The following SPG11 variants were observed in gnomAD, a reference collection of about 807,000 sequenced individuals.
SPG11 encodes SPG11 vesicle trafficking associated, spatacsin, also known as spatacsin.
SPG11 carries 222 observed loss-of-function variants against 274.0 expected under a neutral mutation model. The ratio of observed to expected loss-of-function variants is 0.81; its 90% CI spans 0.73 to 0.91. The LOEUF (loss-of-function observed/expected upper bound fraction) is 0.91, where lower values mean the gene tolerates loss of function less well. Ranked by LOEUF, SPG11 falls within the 40% of genes least tolerant of loss-of-function variation. SPG11 has a pLI of 0.00. For missense variants in SPG11, 3,114 were observed against 2,872.7 expected (o/e 1.08, Z -1.92); for synonymous variants, 1,144 against 1,039.7 (o/e 1.10, Z -1.93).
intron 25 of SPG11, 115 bp from the exon 26 acceptor site, chr15:44,595,574 G>A (rs1333494647): frequency 1.8e-6 from 2 of 1,141,270 alleles, no homozygotes; most frequent in Non-Finnish European, 2.5e-6. Context: ...TAGTTAAAAT[G>A]GCTTGAAAAG....
intron 4 of SPG11, among the ~76,000 whole-genome samples, chr15:44,652,643 A>ACACACTAAT (rs1390287289): frequency 1.3e-5 from 2 of 151,592 alleles, no homozygotes; most frequent in African/African-American, 4.9e-5. Context: ...GTGACTATCA[A>ACACACTAAT]GTCTAGCTTT....
chr15:44,563,605 T>C (rs1315120694), intron 39 of SPG11, among the ~76,000 whole-genome samples: 1 of 152,150 alleles, frequency 6.6e-6, no homozygotes, highest in Admixed American at 6.5e-5. Context: ...CCCAAAGTGC[T>C]GGGATTACAG....
intron 7 of SPG11, among the ~76,000 whole-genome samples, chr15:44,641,925 A>T (rs2084459078): frequency 6.7e-6 from 1 of 148,388 alleles, no homozygotes; most frequent in Admixed American, 6.7e-5. Flanking sequence ...CTTAACAGAA[A>T]AAAAAAAAAA....
intron 11 of SPG11, 70 bp downstream of exon 11, chr15:44,626,261 C>A: frequency 7.3e-7 from 1 of 1,369,568 alleles, no homozygotes; most frequent in Non-Finnish European, 9.9e-7. Flanking sequence ...ATTATGAATA[C>A]AAACCAATTT....
In SPG11 at chr15:44,596,114, G is replaced by A; in HGVS notation, c.4403C>T (p.Pro1468Leu). 6.2e-7 allele frequency: 1 copy of A among 1,613,872 alleles called. No homozygotes were observed. The highest frequency in any genetic ancestry group is 8.5e-7 in the Non-Finnish European group (1 of 1,180,038). The change falls in exon 25 of 40, where the codon CCT becomes CTT. Residue 1468 changes from proline to leucine, a missense_variant. Transcript: ENST00000261866. ...ACATGAGGCCAGAACACTGAGGATA[G>A]GGGCCTGTTGTTTCACTGCTTCAAC... ...LLVEAVKQQA[P>L]ILSVLASCLQ...
intron 30 of SPG11, among the ~76,000 whole-genome samples, chr15:44,577,970 A>C (rs1301336323): frequency 6.6e-6 from 1 of 150,906 alleles, no homozygotes; most frequent in Non-Finnish European, 1.5e-5. Context: ...GAGAGGCTGC[A>C]GTGACAGCAG....
chr15:44,569,256 G>A (rs927660395), intron 35 of SPG11, 142 bp downstream of exon 35: 13 of 702,838 alleles, frequency 1.8e-5, no homozygotes, highest in African/African-American at 1.8e-4. Context: ...ACTGGTGACA[G>A]TGTATGTCTT....
chr15:44,663,299 G>A, intron 1 of SPG11, 92 bp downstream of exon 1: 1 of 1,513,314 alleles, frequency 6.6e-7, no homozygotes, highest in Non-Finnish European at 9.0e-7. Context: ...CTCTATGGCT[G>A]CAGGGAGGCC....
rs148684316 is a variant in SPG11 at position 44,606,458 on chromosome 15, CATG to C, written c.3454-370_3454-368del. Among the ~76,000 whole-genome samples, 576 of 151,792 alleles carry C rather than the reference CATG, an allele frequency of 3.8e-3. 11 individuals are homozygous for C. The highest frequency in any genetic ancestry group is 0.037 in the East Asian group (193 of 5,168). On this transcript the variant is annotated intron_variant, in intron 19 of 39. Transcript: ENST00000261866. ...AGACTAGAAAACGTTACCAGGTAAA[CATG>C]ATAAGATGAGCAAAGAACAGGGTAG... is the stretch of plus-strand genomic sequence containing the variant.
intron 34 of SPG11, 70 bp from the exon 35 acceptor site, chr15:44,569,575 C>T: frequency 1.7e-6 from 2 of 1,198,786 alleles, no homozygotes; most frequent in Admixed American, 2.0e-5. Context: ...AGACAACTAC[C>T]ATCAGTGGTT....
chr15:44,651,596 T>C lies in SPG11; in HGVS notation c.1351A>G (p.Thr451Ala), dbSNP rs1300918596. 1 of 1,614,134 alleles carries C rather than the reference T, an allele frequency of 6.2e-7. No individual in the cohort carries two copies. The highest frequency in any genetic ancestry group is 8.5e-7 in the Non-Finnish European group (1 of 1,179,996). Residue 451 changes from threonine to alanine, a missense_variant, in exon 6 of 40, where the codon ACC becomes GCC. Transcript: ENST00000261866. ...WEVERMGYTI[T>A]LWDLETQGMQ... Reference sequence around the variant, plus strand: ...CCCTGGGTCTCCAAATCCCAGAGGGTAATGGTATAGCCCATCCTTTCCACT... The same window carrying C: ...CCCTGGGTCTCCAAATCCCAGAGGGCAATGGTATAGCCCATCCTTTCCACT...
rs1251056690 is a variant in SPG11, at chr15:44,584,204, T to A, written c.5476A>T (p.Ile1826Phe). The A allele has an allele frequency of 6.2e-7, 1 of 1,614,210 alleles. No homozygotes were observed. The highest frequency in any genetic ancestry group is 1.1e-5 in the South Asian group (1 of 91,086). ...AAGGAAAGTTCACCACTAGTTGAGA[T>A]CTGTCGAGAAAATCTGGGCTCTGTT... The part of the protein sequence containing the change: ...EETEPRFSRQ[I>F]STSGELSFDS... The change falls in exon 30 of 40, where the codon ATC becomes TTC. Residue 1826 changes from isoleucine (I) to phenylalanine (F), a missense_variant. Ile to Phe is a conservative substitution (Grantham distance 21). Coordinates refer to ENST00000261866, the MANE Select transcript of SPG11 (RefSeq NM_025137.4).
chr15:44,619,781 G>A (rs1451148637), intron 15 of SPG11, among the ~76,000 whole-genome samples: 1 of 148,972 alleles, frequency 6.7e-6, no homozygotes, highest in Non-Finnish European at 1.5e-5. Flanking sequence ...GGAGTGCAAT[G>A]GCGCAATCTC....
Position 44,583,809 on chromosome 15 carries a change from C to G in SPG11, c.5866+5G>C, listed in dbSNP as rs1256036525. ...ACTCTGGGCCATCTGATCTCCTTCA[C>G]TTACTGCTGTGGACTCTCCTTAGGG... On this transcript the variant is annotated splice_donor_5th_base_variant and intron_variant, in intron 30 of 39. Coordinates refer to ENST00000261866, the MANE Select transcript of SPG11 (RefSeq NM_025137.4). The G allele has an allele frequency of 1.2e-6, 2 of 1,614,168 alleles. No homozygotes were observed. Among genetic ancestry groups the G allele is most frequent in the Non-Finnish European group, 8.5e-7 (1 of 1,180,034 alleles).
intron 30 of SPG11, among the ~76,000 whole-genome samples, chr15:44,581,608 A>C (rs549704447): frequency 2.8e-4 from 42 of 152,074 alleles, no homozygotes; most frequent in African/African-American, 9.4e-4. Context: ...AAAAAAAAAA[A>C]AAAGGCTGGG....
chr15:44,580,957 A>G (rs1173778947), intron 30 of SPG11, among the ~76,000 whole-genome samples: 1 of 152,246 alleles, frequency 6.6e-6, no homozygotes, highest in East Asian at 1.9e-4. Flanking sequence ...GGTGAAACAC[A>G]TAAACCTACA....
At chr15:44,646,273 A>AGTAGTCT (rs1279354033) in intron 7 of SPG11, among the ~76,000 whole-genome samples, 1 of 152,210 alleles carries the variant, frequency 6.6e-6, no homozygotes, top group African/African-American at 2.4e-5. Context: ...CTAGTGTATT[A>AGTAGTCT]GTAGTCTGTT....
intron 4 of SPG11, among the ~76,000 whole-genome samples, 176 bp downstream of exon 4, chr15:44,656,919 C>T (rs2084955990): frequency 6.6e-6 from 1 of 151,502 alleles, no homozygotes; most frequent in East Asian, 1.9e-4. Context: ...AAAAGGTAGC[C>T]AGTGGTCAGT....
chr15:44,640,220 A>G (rs1359704133), intron 7 of SPG11, among the ~76,000 whole-genome samples: 4 of 152,226 alleles, frequency 2.6e-5, no homozygotes, highest in Non-Finnish European at 5.9e-5. Flanking sequence ...AAAAAAAACA[A>G]AAACAAAAAC....
Sources: allele counts gnomAD v4.1 joint callset (sites outside exome capture counted in the v4.1 genomes callset), GRCh38; gene constraint gnomAD v4.1.1; transcripts MANE v1.5; gene names NCBI Gene and HGNC (gene_info 2026-07-23, HGNC 2026-07-21).